FGF14: variants seen among roughly 807,000 people sequenced by gnomAD.
FGF14 encodes the protein fibroblast growth factor homologous factor 4.
A neutral mutation model predicts 25.5 loss-of-function variants in FGF14; 5 were observed. The observed-to-expected ratio is 0.20, with a 90% CI of 0.10 to 0.41. The LOEUF (loss-of-function observed/expected upper bound fraction) is 0.41. FGF14 is among the 10% of genes least tolerant of loss of function. The pLI, the probability that FGF14 is intolerant of heterozygous loss-of-function variation, is 1.00. For synonymous variants in FGF14, 138 were observed against 118.3 expected, an observed-to-expected ratio of 1.17 and a Z score of -1.08; for missense variants, 222 against 320.1, an observed-to-expected ratio of 0.69 and a Z score of 2.34.
Position 101,715,502 on chromosome 13 carries a change from G to C in FGF14, c.*7329C>G. On this transcript the variant is annotated 3_prime_UTR_variant, in exon 5 of 5. Transcript: ENST00000376143. ...TTGTGGACACTTGTGATTTATAATA[G>C]CATGTTTAAATTTGGCACATTTTGA... 9.2e-7 allele frequency: 1 copy of C among 1,090,212 alleles called. No individual in the cohort carries two copies. The highest frequency in any genetic ancestry group is 1.3e-5 in the South Asian group (1 of 79,696). 67.5% of individuals were successfully genotyped at this position (1,090,212 alleles called of 1,614,324 possible).
At chr13:101,830,765 G>A (rs1318647057) in intron 3 of FGF14, among the ~76,000 whole-genome samples, 2 of 151,922 alleles carry the variant, frequency 1.3e-5, no homozygotes, top group African/African-American at 2.4e-5. Context: ...GTCTATCAAG[G>A]GTCTCACTGG....
intron 1 of FGF14, among the ~76,000 whole-genome samples, chr13:102,379,701 C>T (rs1173782766): frequency 6.6e-6 from 1 of 152,058 alleles, no homozygotes; most frequent in African/African-American, 2.4e-5. Context: ...TCTAAAAGGC[C>T]AACTTTGTTT....
At chr13:101,754,389 T>C (rs1260099441) in intron 3 of FGF14, among the ~76,000 whole-genome samples, 1 of 152,204 alleles carries the variant, frequency 6.6e-6, no homozygotes, top group African/African-American at 2.4e-5. Flanking sequence ...TTTGTCAGTG[T>C]TTCTAATGTG....
intron 1 of FGF14, among the ~76,000 whole-genome samples, chr13:102,156,379 C>A (rs1213042242): frequency 6.6e-6 from 1 of 152,158 alleles, no homozygotes; most frequent in Non-Finnish European, 1.5e-5. Context: ...TAAATGTAAT[C>A]CAGCATATAA....
intron 1 of FGF14, among the ~76,000 whole-genome samples, chr13:102,237,429 T>C (rs2051378694): frequency 6.6e-6 from 1 of 152,196 alleles, no homozygotes; most frequent in Admixed American, 6.5e-5. Flanking sequence ...ATAGAGGCTG[T>C]CCCTCATCCC....
At chr13:102,074,917 G>A (rs1349848014) in intron 1 of FGF14, among the ~76,000 whole-genome samples, 1 of 152,172 alleles carries the variant, frequency 6.6e-6, no homozygotes, top group Admixed American at 6.5e-5. Context: ...GATATAGAGA[G>A]AATGTCTCAA....
intron 1 of FGF14, among the ~76,000 whole-genome samples, chr13:102,113,577 C>T (rs1480633854): frequency 6.6e-6 from 1 of 152,138 alleles, no homozygotes; most frequent in Non-Finnish European, 1.5e-5. Flanking sequence ...GTTAGAATTA[C>T]TTTTGGAGCT....
rs1286653557 is a variant in FGF14, at chr13:101,717,131, T to C, written c.*5700A>G. On this transcript the variant is annotated 3_prime_UTR_variant, in exon 5 of 5. Transcript: ENST00000376143. Reference sequence around the variant, plus strand: ...TTACTTGGAAATTTTATTTTAATGATGTAAATATTCTAGTCATGGCTTAAA... The same window carrying C: ...TTACTTGGAAATTTTATTTTAATGACGTAAATATTCTAGTCATGGCTTAAA... 2.0e-5 allele frequency: 3 copies of C among 152,170 alleles called. No homozygotes were observed. The highest frequency in any genetic ancestry group is 4.4e-5 in the Non-Finnish European group (3 of 68,006). The allele number at this position is 152,170 out of a possible 1,614,324, so 9.4% of individuals were successfully genotyped here.
chr13:102,028,540 T>C lies in FGF14; in HGVS notation c.209-153244A>G, dbSNP rs74108963. ...GGTATTTTTGTTATAGCAGCCTAAG[T>C]TGACTAAAGCATTGATCAAATGCTT... On this transcript the variant is annotated intron_variant, in intron 1 of 4. Transcript: ENST00000376131. 9.7e-3 allele frequency among the ~76,000 whole-genome samples: 1,476 copies of C among 152,162 alleles called. 18 individuals carry two copies. Among genetic ancestry groups the C allele is most frequent in the African/African-American group, 0.034 (1,412 of 41,540 alleles).
chr13:102,069,512 C>A (rs979841609), intron 1 of FGF14, among the ~76,000 whole-genome samples: 1 of 152,184 alleles, frequency 6.6e-6, no homozygotes, highest in Non-Finnish European at 1.5e-5. Context: ...TTTGGGTCCA[C>A]GCTGCTTTTA....
At chr13:101,954,045 A>G (rs2139411428) in intron 1 of FGF14, among the ~76,000 whole-genome samples, 1 of 152,346 alleles carries the variant, frequency 6.6e-6, no homozygotes, top group South Asian at 2.1e-4. Context: ...CTTTCATTAC[A>G]GCACTGTGGG....
intron 3 of FGF14, among the ~76,000 whole-genome samples, chr13:101,860,004 T>C (rs1226075694): frequency 3.3e-5 from 5 of 152,116 alleles, no homozygotes; most frequent in Non-Finnish European, 7.4e-5. Flanking sequence ...TCCAGGTTGG[T>C]TGACATTGAC....
intron 3 of FGF14, among the ~76,000 whole-genome samples, chr13:101,743,244 C>CT (rs1205169283): frequency 6.6e-6 from 1 of 152,174 alleles, no homozygotes; most frequent in East Asian, 1.9e-4. Context: ...TGAGACCTGT[C>CT]TCAGATACCT....
At chr13:102,219,154 G>A (rs1172419285) in intron 1 of FGF14, among the ~76,000 whole-genome samples, 1 of 152,148 alleles carries the variant, frequency 6.6e-6, no homozygotes, top group Non-Finnish European at 1.5e-5. Context: ...ACCCTGTTGT[G>A]CTAACTCAAA....
At chr13:102,043,739 T>TC (rs2041852033) in intron 1 of FGF14, among the ~76,000 whole-genome samples, 1 of 152,188 alleles carries the variant, frequency 6.6e-6, no homozygotes, top group Non-Finnish European at 1.5e-5. Context: ...ATCTGGCCTT[T>TC]CCTTCCCACG....
chr13:102,128,168 C>CG (rs1344396416), intron 1 of FGF14, among the ~76,000 whole-genome samples: 1 of 131,768 alleles, frequency 7.6e-6, no homozygotes, highest in Non-Finnish European at 1.8e-5. Context: ...CTCTGTGCCT[C>CG]GGCTTTCTCA....
At position 102,386,281 on chromosome 13, in the gene FGF14, T is replaced by C. The variant is rs181327004; in HGVS notation, c.208+15190A>G. 4.1e-3 allele frequency among the ~76,000 whole-genome samples: 620 copies of C among 151,972 alleles called. 3 individuals are homozygous for C. Among genetic ancestry groups the C allele is most frequent in the African/African-American group, 0.014 (575 of 41,472 alleles). ...CCAAGTGGCTGGGATTATAGGCATG[T>C]GCCACCAAGCCAGGCTAAGTTTTAT... On this transcript the variant is annotated intron_variant, in intron 1 of 4. Coordinates refer to the FGF14 transcript ENST00000376131.
At chr13:101,959,551 C>A (rs1044087591) in intron 1 of FGF14, among the ~76,000 whole-genome samples, 4 of 152,140 alleles carry the variant, frequency 2.6e-5, no homozygotes, top group African/African-American at 9.7e-5. Flanking sequence ...ACTGTATTTT[C>A]ACAATGCTGC....
At chr13:102,061,078 C>G (rs2042667552) in intron 1 of FGF14, among the ~76,000 whole-genome samples, 1 of 152,180 alleles carries the variant, frequency 6.6e-6, no homozygotes, top group African/African-American at 2.4e-5. Context: ...CCATTCCATC[C>G]CCATGCTGGC....
Sources: gnomAD v4.1 joint callset for allele counts (sites outside exome capture counted in the v4.1 genomes callset) on GRCh38, gnomAD v4.1.1 for gene constraint, MANE v1.5 for transcripts, NCBI Gene and HGNC (gene_info 2026-07-23, HGNC 2026-07-21) for gene names.